The following MAPKAP1 variants were observed in gnomAD, a reference collection of about 807,000 sequenced individuals.
The protein encoded by MAPKAP1 is target of rapamycin complex 2 subunit MAPKAP1.
In MAPKAP1, 20 loss-of-function variants were observed where a neutral mutation model predicts 65.7. The ratio of observed to expected loss-of-function variants is 0.30; its 90% confidence interval spans 0.21 to 0.44. MAPKAP1 has a LOEUF of 0.44. MAPKAP1 is among the 20% of genes least tolerant of loss of function. The pLI is 1.00. For synonymous variants in MAPKAP1, 222 were observed against 244.3 expected, an observed-to-expected ratio of 0.91 and a Z score of 0.85; for missense variants, 423 against 648.0, an observed-to-expected ratio of 0.65 and a Z score of 3.77.
At chr9:125,509,124 T>C (rs1360336232) in intron 7 of MAPKAP1, among the ~76,000 whole-genome samples, 1 of 152,110 alleles carries the variant, frequency 6.6e-6, no homozygotes, top group Non-Finnish European at 1.5e-5. Context: ...GCTAGAATAG[T>C]GGACATGAAA....
At chr9:125,520,187 T>C (rs1342890566) in intron 7 of MAPKAP1, among the ~76,000 whole-genome samples, 1 of 152,154 alleles carries the variant, frequency 6.6e-6, no homozygotes, top group Non-Finnish European at 1.5e-5. Context: ...TATCTTAGAG[T>C]TGTTGCAAGG....
At chr9:125,636,470 T>TA (rs1385848058) in intron 4 of MAPKAP1, among the ~76,000 whole-genome samples, 3 of 152,232 alleles carry the variant, frequency 2.0e-5, no homozygotes, top group African/African-American at 7.2e-5. Flanking sequence ...AACAACTCTG[T>TA]AACTGTGGCT....
At chr9:125,649,005 C>T (rs944529536) in intron 4 of MAPKAP1, among the ~76,000 whole-genome samples, 1 of 152,132 alleles carries the variant, frequency 6.6e-6, no homozygotes, top group African/African-American at 2.4e-5. Context: ...ATTCTATGCC[C>T]AGCTAGGTGG....
At position 125,564,033 on chromosome 9, in the gene MAPKAP1, G is replaced by A. The variant is rs1423077478; in HGVS notation, c.672-4224C>T. 2.0e-5 allele frequency among the ~76,000 whole-genome samples: 3 copies of A among 152,342 alleles called. No individual in the cohort carries two copies. The East Asian group carries it at 5.8e-4, about 29-fold the overall frequency. On this transcript the variant is annotated intron_variant, in intron 5 of 11. Coordinates refer to ENST00000265960, the MANE Select transcript of MAPKAP1 (RefSeq NM_001006617.3). Reference sequence around the variant, plus strand: ...ACCAGCAAAGGGTATTATTAGTGAGGTATGTGTTAATGAGAAGAGGGAAAG... The same window carrying A: ...ACCAGCAAAGGGTATTATTAGTGAGATATGTGTTAATGAGAAGAGGGAAAG...
intron 1 of MAPKAP1, among the ~76,000 whole-genome samples, chr9:125,686,794 G>A (rs1219312619): frequency 6.6e-6 from 1 of 151,936 alleles, no homozygotes; most frequent in African/African-American, 2.4e-5. Context: ...TGACTGATTT[G>A]AACAGGCATT....
At chr9:125,630,755 T>G (rs906783446) in intron 4 of MAPKAP1, among the ~76,000 whole-genome samples, 1 of 152,102 alleles carries the variant, frequency 6.6e-6, no homozygotes, top group Non-Finnish European at 1.5e-5. Flanking sequence ...TGGGAGGTGT[T>G]TGGATCATGG....
At chr9:125,474,898 C>T (rs1171605780) in intron 9 of MAPKAP1, among the ~76,000 whole-genome samples, 2 of 152,132 alleles carry the variant, frequency 1.3e-5, no homozygotes, top group Admixed American at 6.5e-5. Context: ...TTCAGGTTAC[C>T]GAGAGCCTAT....
chr9:125,580,286 C>G (rs1405859137), intron 5 of MAPKAP1, among the ~76,000 whole-genome samples: 3 of 152,116 alleles, frequency 2.0e-5, no homozygotes, highest in African/African-American at 7.2e-5. Context: ...GGAATCAACT[C>G]AAATGTCCAT....
chr9:125,538,219 A>G (rs1830128900), intron 7 of MAPKAP1, among the ~76,000 whole-genome samples: 2 of 152,182 alleles, frequency 1.3e-5, no homozygotes, highest in Non-Finnish European at 2.9e-5. Context: ...GTTGCTGTGT[A>G]AACAACAGAC....
At chr9:125,693,460 CAT>C (rs1478128713) in intron 1 of MAPKAP1, among the ~76,000 whole-genome samples, 3 of 147,380 alleles carry the variant, frequency 2.0e-5, no homozygotes, top group African/African-American at 7.5e-5. Context: ...CACACACATA[CAT>C]GTATATATAC....
At chr9:125,683,417 A>G (rs1834881593) in intron 1 of MAPKAP1, among the ~76,000 whole-genome samples, 1 of 152,180 alleles carries the variant, frequency 6.6e-6, no homozygotes, top group Non-Finnish European at 1.5e-5. Context: ...GAAGAGAGCA[A>G]TTCTAAGCCA....
intron 4 of MAPKAP1, among the ~76,000 whole-genome samples, chr9:125,586,690 C>G (rs1831797446): frequency 6.6e-6 from 1 of 152,178 alleles, no homozygotes; most frequent in South Asian, 2.1e-4. Flanking sequence ...TATCCGCCAA[C>G]CTTCTGGCCA....
rs1452432119 is a variant in MAPKAP1 at position 125,698,275 on chromosome 9, C to T, written c.-70+8696G>A. On this transcript the variant is annotated intron_variant, in intron 1 of 11. Transcript: ENST00000265960. ...ATATAATTTATAAATATATATAATA[C>T]ATAATATATATAAATATATATATAT... 6.7e-3 allele frequency among the ~76,000 whole-genome samples: 385 copies of T among 57,476 alleles called. 7 individuals are homozygous for T. The highest frequency in any genetic ancestry group is 0.04 in the African/African-American group (362 of 9,104). 37.7% of individuals were successfully genotyped at this position (57,476 alleles called of 152,430 possible). A position where few individuals can be genotyped will look rare whatever the true frequency, so the allele number is the denominator to read the frequency against.
chr9:125,555,440 T>C (rs998930392), intron 6 of MAPKAP1, among the ~76,000 whole-genome samples: 8 of 152,200 alleles, frequency 5.3e-5, no homozygotes, highest in African/African-American at 1.7e-4. Context: ...AAATTCAAAG[T>C]CTGTGCTGCC....
intron 5 of MAPKAP1, among the ~76,000 whole-genome samples, chr9:125,570,534 G>C (rs1394361035): frequency 6.6e-6 from 1 of 152,206 alleles, no homozygotes; most frequent in Non-Finnish European, 1.5e-5. Context: ...TCCACACCTA[G>C]TGTAGAATTA....
At chr9:125,537,055 A>G (rs1830093785) in intron 7 of MAPKAP1, among the ~76,000 whole-genome samples, 1 of 152,224 alleles carries the variant, frequency 6.6e-6, no homozygotes, top group African/African-American at 2.4e-5. Context: ...ATTTCTGTTT[A>G]CAGAATTTTA....
At chr9:125,674,772 C>T (rs1049303521) in intron 1 of MAPKAP1, among the ~76,000 whole-genome samples, 1 of 152,060 alleles carries the variant, frequency 6.6e-6, no homozygotes, top group African/African-American at 2.4e-5. Context: ...TAATATATTC[C>T]TTGAGTACTT....
chr9:125,657,548 T>C (rs1322531920), intron 4 of MAPKAP1, 103 bp downstream of exon 4: 20 of 1,063,520 alleles, frequency 1.9e-5, no homozygotes, highest in East Asian at 9.8e-5. Context: ...TCAACTGATA[T>C]TCTACAAAGC....
At chr9:125,515,891 G>A (rs879345516) in intron 7 of MAPKAP1, among the ~76,000 whole-genome samples, 1 of 152,114 alleles carries the variant, frequency 6.6e-6, no homozygotes, top group Admixed American at 6.5e-5. Context: ...AGGGAAGGCC[G>A]CTTCTGTGGG....
Sources: allele counts gnomAD v4.1 joint callset (sites outside exome capture counted in the v4.1 genomes callset), GRCh38; gene constraint gnomAD v4.1.1; transcripts MANE v1.5; gene names NCBI Gene and HGNC (gene_info 2026-07-23, HGNC 2026-07-21).